The following BICDL1 variants were observed in gnomAD, a reference collection of about 807,000 sequenced individuals.
BICDL1 encodes BICD family like cargo adaptor 1, also known as BICD family-like cargo adapter 1.
In BICDL1, 20 loss-of-function variants were observed where a neutral mutation model predicts 76.8. The ratio of observed to expected loss-of-function variants is 0.26; its 90% CI spans 0.18 to 0.38. BICDL1 has a LOEUF of 0.38. BICDL1 is among the 10% of genes least tolerant of loss of function. The pLI, the probability that BICDL1 is intolerant of heterozygous loss-of-function variation, is 1.00. For synonymous variants in BICDL1, 383 were observed against 337.1 expected (o/e 1.14, Z -1.49); for missense variants, 700 against 798.6 (o/e 0.88, Z 1.49).
At chr12:120,034,504 C>G (rs148542549) in intron 2 of BICDL1, among the ~76,000 whole-genome samples, 7 of 152,278 alleles carry the variant, frequency 4.6e-5, no homozygotes, top group South Asian at 4.1e-4. Flanking sequence ...CTTTATGACC[C>G]GTTTTGGGAT....
chr12:120,006,345 A>C (rs1452588346), intron 2 of BICDL1, among the ~76,000 whole-genome samples: 1 of 151,896 alleles, frequency 6.6e-6, no homozygotes, highest in Non-Finnish European at 1.5e-5. Context: ...TGAAAAATTC[A>C]TTCATTCATT....
rs1035878820 is a variant in BICDL1, at chr12:119,989,503, G to T, written c.-366G>T. On this transcript the variant is annotated 5_prime_UTR_variant, in exon 1 of 10. Transcript: ENST00000548673. ...GCGGCAGCGGCAACAGGGCGGCTGA[G>T]AACCCGGCGGCGGCGTTCCTCCTCG... Among the ~76,000 whole-genome samples the T allele has an allele frequency of 1.3e-5, 2 of 150,244 alleles. No individual in the cohort carries two copies. The highest frequency in any genetic ancestry group is 4.8e-5 in the African/African-American group (2 of 41,260).
intron 4 of BICDL1, among the ~76,000 whole-genome samples, chr12:120,070,321 C>T (rs992592125): frequency 2.0e-5 from 3 of 152,140 alleles, no homozygotes; most frequent in African/African-American, 7.2e-5. Context: ...AATGGTATCT[C>T]ACTTTGTGTG....
At chr12:120,088,074 A>T (rs902100058) in intron 8 of BICDL1, among the ~76,000 whole-genome samples, 4 of 152,132 alleles carry the variant, frequency 2.6e-5, no homozygotes, top group African/African-American at 7.2e-5. Flanking sequence ...GATTACAGGC[A>T]GCATGCGCCA....
chr12:120,033,699 T>C (rs1248981075), intron 2 of BICDL1, among the ~76,000 whole-genome samples: 1 of 152,148 alleles, frequency 6.6e-6, no homozygotes, highest in Non-Finnish European at 1.5e-5. Flanking sequence ...GAGTTCTTGC[T>C]TTTAAATTTA....
chr12:120,080,741 G>A, intron 7 of BICDL1, 146 bp from the exon 8 acceptor site: 1 of 734,154 alleles, frequency 1.4e-6, no homozygotes, highest in Non-Finnish European at 2.1e-6. Flanking sequence ...GCCCTCTCTT[G>A]AAGCAGGATG....
At chr12:120,090,329 C>T (rs1874850925) in intron 9 of BICDL1, 1 of 414,694 alleles carries the variant, frequency 2.4e-6, no homozygotes, top group Non-Finnish European at 4.3e-6. Context: ...AATGGGGCCC[C>T]CTTTCAGCTG....
intron 9 of BICDL1, chr12:120,092,393 C>G (rs1264159792): frequency 1.0e-6 from 1 of 985,360 alleles, no homozygotes; most frequent in Non-Finnish European, 1.2e-6. Flanking sequence ...GACCGTGAGG[C>G]CCCTGGCCTC....
rs560120356 is a variant in BICDL1, at chr12:120,093,684, C to T, written c.*523C>T. On this transcript the variant is annotated 3_prime_UTR_variant, in exon 10 of 10. Coordinates refer to ENST00000548673, the MANE Select transcript of BICDL1 (RefSeq NM_001367886.1). ...GGTCAAAGGAGAGATGGCAGCCCCT[C>T]CCCCGCATGCATGCACCTCAGCTGG... 1 of 172,010 alleles carries T rather than the reference C, an allele frequency of 5.8e-6. No individual in the cohort carries two copies. Among genetic ancestry groups the T allele is most frequent in the East Asian group, 1.7e-4 (1 of 5,738 alleles). 10.7% of individuals were successfully genotyped at this position (172,010 alleles called of 1,614,324 possible).
chr12:120,017,571 T>A (rs554025798), intron 2 of BICDL1, among the ~76,000 whole-genome samples: 16 of 152,086 alleles, frequency 1.1e-4, no homozygotes, highest in Admixed American at 5.9e-4. Context: ...TCTGCAAAAA[T>A]TTTTTTAAAA....
intron 2 of BICDL1, among the ~76,000 whole-genome samples, chr12:120,038,763 G>A (rs1052299977): frequency 5.3e-5 from 8 of 152,136 alleles, no homozygotes; most frequent in Non-Finnish European, 8.8e-5. Flanking sequence ...TATTGGGAAA[G>A]TCACAACCTC....
At chr12:119,991,869 C>T (rs1417002031) in intron 1 of BICDL1, among the ~76,000 whole-genome samples, 1 of 151,634 alleles carries the variant, frequency 6.6e-6, no homozygotes, top group Non-Finnish European at 1.5e-5. Context: ...AGAATGGTAA[C>T]AAAAAAAGGT....
At chr12:120,048,184 C>CA (rs1952784817) in intron 2 of BICDL1, among the ~76,000 whole-genome samples, 2 of 145,510 alleles carry the variant, frequency 1.4e-5, no homozygotes, top group Admixed American at 1.4e-4. Flanking sequence ...ATGAATTTAC[C>CA]TTTTTTTTTT....
At chr12:120,001,586 A>G (rs147308523) in intron 2 of BICDL1, among the ~76,000 whole-genome samples, 2 of 152,248 alleles carry the variant, frequency 1.3e-5, no homozygotes, top group East Asian at 1.9e-4. Flanking sequence ...ATGTGTTTTT[A>G]TAAGTATGAA....
chr12:120,052,597 C>T (rs1273726394), intron 2 of BICDL1, among the ~76,000 whole-genome samples: 1 of 152,080 alleles, frequency 6.6e-6, no homozygotes, highest in Non-Finnish European at 1.5e-5. Flanking sequence ...GTTTGCCAGG[C>T]TCCCCACTAT....
At position 119,990,342 on chromosome 12, in the gene BICDL1, AGGCACGCGCCC is replaced by A. The variant is rs72058342; in HGVS notation, c.429+49_429+59del. ...GATGGGTGGGGAGCAGGGGCCGCCC[AGGCACGCGCCC>A]GGCCCTGGGCAGTTAGGGAACCACT... On this transcript the variant is annotated intron_variant, in intron 1 of 9. Coordinates refer to ENST00000548673, the MANE Select transcript of BICDL1 (RefSeq NM_001367886.1). 1,106 of 1,542,660 alleles carry A rather than the reference AGGCACGCGCCC, an allele frequency of 7.2e-4. 9 individuals are homozygous for A. In the African/African-American group the frequency reaches 0.013, roughly 18 times the overall value.
intron 2 of BICDL1, chr12:120,057,053 G>A: frequency 1.9e-6 from 1 of 518,926 alleles, no homozygotes; most frequent in Non-Finnish European, 3.9e-6. Flanking sequence ...CTTAGAGGAA[G>A]AGAGCTTCAG....
At chr12:120,072,385 C>CA in intron 5 of BICDL1, 126 bp from the exon 6 acceptor site, 2 of 827,636 alleles carry the variant, frequency 2.4e-6, no homozygotes, top group South Asian at 1.7e-5. Flanking sequence ...AAACACAGAA[C>CA]AAAAAACCCT....
intron 2 of BICDL1, among the ~76,000 whole-genome samples, chr12:120,007,663 A>G (rs1312496532): frequency 6.6e-6 from 1 of 152,234 alleles, no homozygotes; most frequent in African/African-American, 2.4e-5. Flanking sequence ...TTCTCTGAAA[A>G]GACTAATTTT....
Sources: gnomAD v4.1 joint callset for allele counts (sites outside exome capture counted in the v4.1 genomes callset) on GRCh38, gnomAD v4.1.1 for gene constraint, MANE v1.5 for transcripts, NCBI Gene and HGNC (gene_info 2026-07-23, HGNC 2026-07-21) for gene names.